The following MAGI2 variants were observed in gnomAD, a reference collection of about 807,000 sequenced individuals.
MAGI2 encodes the protein membrane associated guanylate kinase, WW and PDZ domain containing 2.
Under a neutral mutation model 133.3 loss-of-function variants are expected in MAGI2, and 35 were observed. The observed-to-expected ratio is 0.26, with a 90% CI of 0.20 to 0.35. The LOEUF is 0.35. MAGI2 is among the 10% of genes least tolerant of loss of function. The probability of loss-of-function intolerance (pLI) is 1.00; values close to 1 mark genes in which losing one functional copy is unlikely to be tolerated. For missense variants in MAGI2, 1,636 were observed against 1,863.4 expected (o/e 0.88, Z 2.25); for synonymous variants, 729 against 710.6 (o/e 1.03, Z -0.41).
At chr7:78,953,671 A>G (rs1015972824) in intron 2 of MAGI2, among the ~76,000 whole-genome samples, 1 of 152,138 alleles carries the variant, frequency 6.6e-6, no homozygotes, top group East Asian at 1.9e-4. Flanking sequence ...GTCTTTGCTT[A>G]GTATCATGAA....
chr7:79,147,623 C>A (rs940677674), intron 1 of MAGI2, among the ~76,000 whole-genome samples: 2 of 152,224 alleles, frequency 1.3e-5, no homozygotes, highest in Non-Finnish European at 2.9e-5. Flanking sequence ...CAGTTTAACA[C>A]TGTGACTGCA....
intron 2 of MAGI2, among the ~76,000 whole-genome samples, chr7:78,671,282 T>TC (rs901844615): frequency 1.9e-4 from 4 of 21,314 alleles, no homozygotes; most frequent in African/African-American, 4.4e-4. Context: ...TCTCTCTCTC[T>TC]TTTTTTTTTT....
At chr7:79,263,793 A>G (rs918253571) in intron 1 of MAGI2, among the ~76,000 whole-genome samples, 2 of 152,196 alleles carry the variant, frequency 1.3e-5, no homozygotes, top group African/African-American at 4.8e-5. Context: ...TATCTGAATA[A>G]CAAATAAAAA....
intron 16 of MAGI2, among the ~76,000 whole-genome samples, chr7:78,157,616 T>A (rs1824525115): frequency 6.6e-6 from 1 of 152,220 alleles, no homozygotes; most frequent in African/African-American, 2.4e-5. Flanking sequence ...CTAAACACTT[T>A]CATTGTGGCC....
chr7:78,650,847 T>C (rs1811485429), intron 2 of MAGI2, among the ~76,000 whole-genome samples: 2 of 152,302 alleles, frequency 1.3e-5, no homozygotes, highest in Admixed American at 1.3e-4. Context: ...GGGGACATGA[T>C]GTCCAGCTAA....
At chr7:78,556,859 C>T (rs1339400562) in intron 3 of MAGI2, among the ~76,000 whole-genome samples, 2 of 151,606 alleles carry the variant, frequency 1.3e-5, no homozygotes, top group African/African-American at 2.4e-5. Context: ...GAGGCTGAGG[C>T]GGGCAGATCA....
chr7:78,882,153 A>T (rs1343454441), intron 2 of MAGI2, among the ~76,000 whole-genome samples: 2 of 149,932 alleles, frequency 1.3e-5, no homozygotes, highest in Non-Finnish European at 3.0e-5. Context: ...AGACCCAAAT[A>T]AACAGTCAGA....
At position 78,548,095 on chromosome 7, in the gene MAGI2, G is replaced by T. The variant is rs188387127; in HGVS notation, c.539-26450C>A. On this transcript the variant is annotated intron_variant, in intron 3 of 21. Transcript: ENST00000354212. Reference sequence around the variant, plus strand: ...CAAGCTCATCGATTTTGCCTTCAGAGTTAGAAAGAGCCTTGACCAACTATC... The same window carrying T: ...CAAGCTCATCGATTTTGCCTTCAGATTTAGAAAGAGCCTTGACCAACTATC... Among the ~76,000 whole-genome samples the T allele has an allele frequency of 4.8e-3, 720 of 150,852 alleles. 6 individuals carry two copies. The highest frequency in any genetic ancestry group is 0.016 in the African/African-American group (656 of 41,480).
intron 1 of MAGI2, among the ~76,000 whole-genome samples, chr7:79,091,981 T>C (rs566545126): frequency 5.3e-5 from 8 of 152,188 alleles, no homozygotes; most frequent in Admixed American, 3.9e-4. Flanking sequence ...TAAACCATGG[T>C]ACTAAATTTT....
chr7:79,188,252 T>G (rs1455672761), intron 1 of MAGI2, among the ~76,000 whole-genome samples: 3 of 151,726 alleles, frequency 2.0e-5, no homozygotes, highest in African/African-American at 7.3e-5. Context: ...TTAGCTAATT[T>G]TCCTGGTGCT....
rs547737118 is a variant in MAGI2, at chr7:78,588,799, C to CA, written c.538+38320_538+38321insT. On this transcript the variant is annotated intron_variant, in intron 3 of 21. Coordinates refer to ENST00000354212, the MANE Select transcript of MAGI2 (RefSeq NM_012301.4). ...TACTTTTTAAAGTGGCAAGTTTTTCCCAGTGTGCTCCAAATGTGATCAGAT... is the reference window on the plus strand; with the variant it reads ...TACTTTTTAAAGTGGCAAGTTTTTCCACAGTGTGCTCCAAATGTGATCAGAT... Among the ~76,000 whole-genome samples the CA allele has an allele frequency of 1.1e-4, 16 of 152,180 alleles. No individual in the cohort carries two copies. In the East Asian group the frequency reaches 3.1e-3, roughly 29 times the overall value.
At chr7:78,605,549 T>C (rs1805714946) in intron 3 of MAGI2, among the ~76,000 whole-genome samples, 1 of 152,130 alleles carries the variant, frequency 6.6e-6, no homozygotes, top group African/African-American at 2.4e-5. Context: ...GATTTAAAAG[T>C]CCAGTAGAGT....
intron 2 of MAGI2, among the ~76,000 whole-genome samples, chr7:78,861,336 G>C (rs150719761): frequency 1.3e-5 from 2 of 152,168 alleles, no homozygotes; most frequent in Admixed American, 6.5e-5. Flanking sequence ...GACTAGAGCT[G>C]TTCCTATTTG....
At chr7:79,368,724 T>C (rs935849715) in intron 1 of MAGI2, among the ~76,000 whole-genome samples, 27 of 149,922 alleles carry the variant, frequency 1.8e-4, no homozygotes, top group Admixed American at 7.9e-4. Context: ...GGCGGGCGCC[T>C]GTAGTCCCAG....
chr7:78,905,438 T>A (rs1797923892), intron 2 of MAGI2, among the ~76,000 whole-genome samples: 1 of 152,208 alleles, frequency 6.6e-6, no homozygotes, highest in Admixed American at 6.5e-5. Flanking sequence ...GCACGTAGCC[T>A]TCTATACCTC....
intron 1 of MAGI2, among the ~76,000 whole-genome samples, chr7:79,337,884 C>T (rs575557787): frequency 3.3e-5 from 5 of 152,098 alleles, no homozygotes; most frequent in Admixed American, 2.6e-4. Flanking sequence ...GTCAGACATC[C>T]GTGTATGCTT....
chr7:78,116,776 G>T (rs1819906276), intron 20 of MAGI2, among the ~76,000 whole-genome samples: 1 of 152,042 alleles, frequency 6.6e-6, no homozygotes, highest in Non-Finnish European at 1.5e-5. Flanking sequence ...TACTTGGGAG[G>T]CTGAGGTGGG....
chr7:78,383,672 C>T (rs1241075888), intron 6 of MAGI2, among the ~76,000 whole-genome samples: 1 of 151,982 alleles, frequency 6.6e-6, no homozygotes, highest in Non-Finnish European at 1.5e-5. Context: ...AAATTCTTTT[C>T]TTAGACCAGT....
intron 1 of MAGI2, among the ~76,000 whole-genome samples, chr7:79,038,093 C>G (rs1455378376): frequency 6.6e-6 from 1 of 152,078 alleles, no homozygotes; most frequent in Non-Finnish European, 1.5e-5. Flanking sequence ...TGACAACTGT[C>G]TAGATTGATT....
Sources: gnomAD v4.1 joint callset for allele counts (sites outside exome capture counted in the v4.1 genomes callset) on GRCh38, gnomAD v4.1.1 for gene constraint, MANE v1.5 for transcripts, NCBI Gene and HGNC (gene_info 2026-07-23, HGNC 2026-07-21) for gene names.